The following HEY1 variants were observed in gnomAD, a reference collection of about 807,000 sequenced individuals.
The protein encoded by HEY1 is hes related family bHLH transcription factor with YRPW motif 1.
A neutral mutation model predicts 28.7 loss-of-function variants in HEY1; 9 were observed. The ratio of observed to expected loss-of-function variants is 0.31; its 90% CI spans 0.19 to 0.55. HEY1 has a LOEUF of 0.55. Among genes scored for constraint, HEY1 ranks in the 20% least tolerant of loss-of-function variants. The pLI is 0.93. For synonymous variants in HEY1, 213 were observed against 175.6 expected (o/e 1.21, Z -1.68); for missense variants, 385 against 399.4 (o/e 0.96, Z 0.31).
chr8:79,766,326 T>C, intron 4 of HEY1: 1 of 1,506,772 alleles, frequency 6.6e-7, no homozygotes, highest in Non-Finnish European at 8.8e-7. Flanking sequence ...TGTTTTTAAA[T>C]GCTTTTTCTC....
Position 79,765,485 on chromosome 8 carries a change from G to A in HEY1, c.618C>T (p.Thr206=). 6.2e-7 allele frequency: 1 copy of A among 1,613,516 alleles called. No individual in the cohort carries two copies. The highest frequency in any genetic ancestry group is 1.1e-5 in the South Asian group (1 of 91,060). The change falls in exon 5 of 5, where the codon ACC becomes ACT. Residue 206 remains threonine (T), a synonymous_variant. Transcript: ENST00000354724. ...LPQNGHGNAG[T]TASPTEPHHQ... ...GGTGCGGTTCCGTGGGTGAGGCCGT[G>A]GTGCCCGCGTTCCCGTGGCCGTTCT...
At chr8:79,766,919 G>C in intron 3 of HEY1, 90 bp downstream of exon 3, 1 of 1,281,102 alleles carries the variant, frequency 7.8e-7, no homozygotes, top group Non-Finnish European at 1.1e-6. Flanking sequence ...AAGCAACACA[G>C]CTATTTTCCA....
At chr8:79,766,137 C>G (rs912576335) in intron 4 of HEY1, 1 of 1,180,806 alleles carries the variant, frequency 8.5e-7, no homozygotes, top group Non-Finnish European at 1.2e-6. Flanking sequence ...AAGTTATCAT[C>G]GCGGAGCTTT....
In HEY1 at chr8:79,765,364, C is replaced by G; in HGVS notation, c.739G>C (p.Ala247Pro). The G allele has an allele frequency of 6.3e-7, 1 of 1,587,100 alleles. No individual in the cohort carries two copies. The highest frequency in any genetic ancestry group is 1.3e-5 in the African/African-American group (1 of 74,680). ...LGPVLPVVTSASKLSPPLLSS... is the reference protein window; with the variant it reads ...LGPVLPVVTSPSKLSPPLLSS... ...AGCAGAGGCGGCGACAGTTTGGAGGCGGAGGTGACCACAGGGAGCACCGGT... is the reference window on the plus strand; with the variant it reads ...AGCAGAGGCGGCGACAGTTTGGAGGGGGAGGTGACCACAGGGAGCACCGGT... The change falls in exon 5 of 5, where the codon GCC (alanine) becomes CCC (proline). Residue 247 changes from alanine (A) to proline (P), a missense_variant. Coordinates refer to ENST00000354724, the MANE Select transcript of HEY1 (RefSeq NM_012258.4).
chr8:79,767,577 A>G lies in HEY1; in HGVS notation c.87T>C (p.Asn29=). The change falls in exon 1 of 5, where the codon AAT becomes AAC. Residue 29 remains asparagine, a splice_region_variant and synonymous_variant. Transcript: ENST00000354724. ...CCGCTCCGCCGCCGCCAGCTCACCC[A>G]TTCTCGTCCGCACTCTCCTTCTCCA... ...IEVEKESADE[N]GNLSSALGSM... 1 of 1,606,162 alleles carries G rather than the reference A, an allele frequency of 6.2e-7. No homozygotes were observed. Among genetic ancestry groups the G allele is most frequent in the Non-Finnish European group, 8.5e-7 (1 of 1,177,326 alleles).
rs142613628 is a variant in HEY1 at position 79,766,258 on chromosome 8, AGGCATGT to A, written c.331+386_331+392del. The A allele has an allele frequency of 0.11, 173,886 of 1,530,764 alleles. 11,511 individuals carry two copies. Among genetic ancestry groups the A allele is most frequent in the South Asian group, 0.24 (20,091 of 83,040 alleles). 94.8% of individuals were successfully genotyped at this position (1,530,764 alleles called of 1,614,324 possible). On this transcript the variant is annotated intron_variant, in intron 4 of 4. Transcript: ENST00000354724. Reference sequence around the variant, plus strand: ...ACCAGAATACATTTCTTTCCTCAAGAGGCATGTGGCAGCACCTTTTTTTTAAAATCCC... The same window carrying A: ...ACCAGAATACATTTCTTTCCTCAAGAGGCAGCACCTTTTTTTTAAAATCCC...
chr8:79,767,690 G>C lies in HEY1; in HGVS notation c.-27C>G, dbSNP rs761623814. ...CTGGCTCCCTGGGGGTTCCTGGGGA[G>C]GGTCGGCGCGGCGGGCAGGGAGGAG... On this transcript the variant is annotated 5_prime_UTR_variant, in exon 1 of 5. Coordinates refer to ENST00000354724, the MANE Select transcript of HEY1 (RefSeq NM_012258.4). The C allele has an allele frequency of 1.9e-6, 3 of 1,553,232 alleles. No individual in the cohort carries two copies. The South Asian group carries it at 3.5e-5, about 18-fold the overall frequency.
Position 79,765,719 on chromosome 8 carries a change from C to T in HEY1, c.384G>A (p.Arg128=), listed in dbSNP as rs370441900. Reference sequence around the variant, plus strand: ...AACGCGCAACTTCTGCCAGGCATTCCCGAAATCCCAAACTCCGATAGTCCA... The same window carrying T: ...AACGCGCAACTTCTGCCAGGCATTCTCGAAATCCCAAACTCCGATAGTCCA... ...LAMDYRSLGF[R]ECLAEVARYL... The change falls in exon 5 of 5, where the codon CGG becomes CGA. Residue 128 remains arginine (R), a synonymous_variant. Coordinates refer to ENST00000354724, the MANE Select transcript of HEY1 (RefSeq NM_012258.4). 8.7e-6 allele frequency: 14 copies of T among 1,614,026 alleles called. No homozygotes were observed. In the African/African-American group the frequency reaches 1.9e-4, roughly 22 times the overall value.
rs745721301 is a variant in HEY1 at position 79,766,666 on chromosome 8, T to A, written c.316A>T (p.Thr106Ser). Residue 106 changes from threonine (T) to serine (S), a missense_variant, in exon 4 of 5, where the codon ACG becomes TCG. This residue lies in a region of HEY1 where 83 missense variants were observed against 122.7 expected (regional missense o/e 0.68). Coordinates refer to ENST00000354724, the MANE Select transcript of HEY1 (RefSeq NM_012258.4). ...GGAGATGTACCTTTCCCTCCTGCCG[T>A]ATGCAGCATTTTCAGGTGATCCACG... ...MTVDHLKMLH[T>S]AGGKGYFDAH... 1.9e-6 allele frequency: 3 copies of A among 1,614,124 alleles called. No homozygotes were observed. The highest frequency in any genetic ancestry group is 2.5e-6 in the Non-Finnish European group (3 of 1,180,052).
At chr8:79,766,118 C>G in intron 4 of HEY1, 1 of 1,026,494 alleles carries the variant, frequency 9.7e-7, no homozygotes, top group African/African-American at 1.6e-5. Context: ...TCATTAGACA[C>G]ACAGATGTAA....
chr8:79,767,698 G>A lies in HEY1; in HGVS notation c.-35C>T, dbSNP rs749895743. On this transcript the variant is annotated 5_prime_UTR_variant, in exon 1 of 5. Coordinates refer to ENST00000354724, the MANE Select transcript of HEY1 (RefSeq NM_012258.4). ...CTGGGGGTTCCTGGGGAGGGTCGGCGCGGCGGGCAGGGAGGAGTTAACTAC... is the reference window on the plus strand; with the variant it reads ...CTGGGGGTTCCTGGGGAGGGTCGGCACGGCGGGCAGGGAGGAGTTAACTAC... 19 of 1,521,672 alleles carry A rather than the reference G, an allele frequency of 1.2e-5. No homozygotes were observed. The African/African-American group carries it at 2.3e-4, about 19-fold the overall frequency. 94.3% of individuals were successfully genotyped at this position (1,521,672 alleles called of 1,614,324 possible).
intron 3 of HEY1, 72 bp from the exon 4 acceptor site, chr8:79,766,804 T>C (rs911960932): frequency 1.3e-5 from 20 of 1,491,690 alleles, no homozygotes; most frequent in African/African-American, 2.8e-5. Context: ...TATGCAAACA[T>C]ATATACAAAG....
At position 79,765,451 on chromosome 8, in the gene HEY1, T is replaced by C. The variant is rs955699112; in HGVS notation, c.652A>G (p.Arg218Gly). 5 of 1,613,030 alleles carry C rather than the reference T, an allele frequency of 3.1e-6. No homozygotes were observed. The African/African-American group carries it at 5.3e-5, about 17-fold the overall frequency. ...GCCTCCGGATGTGCCGAGCCCAGCC[T>C]GCCCTGGTGGTGCGGTTCCGTGGGT... ...ASPTEPHHQG[R>G]LGSAHPEAPA... Residue 218 changes from arginine (R) to glycine (G), a missense_variant, in exon 5 of 5, where the codon AGG (arginine) becomes GGG (glycine). By Grantham distance (125) the Arg-to-Gly change is moderately radical. Around this residue, in one of 3 missense-constraint regions of HEY1, gnomAD observed 223 missense variants for 215.9 expected, o/e 1.03. Coordinates refer to ENST00000354724, the MANE Select transcript of HEY1 (RefSeq NM_012258.4).
chr8:79,767,451 C>A (rs1807874182), intron 1 of HEY1, 124 bp downstream of exon 1: 1 of 1,153,550 alleles, frequency 8.7e-7, no homozygotes, highest in East Asian at 2.4e-5. Context: ...CTGCCGCCAG[C>A]CTGCGACGCG....
rs1563477110 is a variant in HEY1, at chr8:79,765,775, A to C, written c.332-4T>G. On this transcript the variant is annotated splice_polypyrimidine_tract_variant and splice_region_variant and intron_variant, in intron 4 of 4. Transcript: ENST00000354724. ...AGGGCGTGCGCGTCAAAGTAACCTA[A>C]GCAAAAGAACAAAAGAAAAATCTCA... The C allele has an allele frequency of 6.3e-7, 1 of 1,595,750 alleles. No homozygotes were observed. The highest frequency in any genetic ancestry group is 1.3e-5 in the African/African-American group (1 of 74,116).
rs1051442662 is a variant in HEY1, at chr8:79,764,384, T to A, written c.*804A>T. 1.3e-5 allele frequency: 3 copies of A among 226,612 alleles called. No homozygotes were observed. The highest frequency in any genetic ancestry group is 6.7e-5 in the African/African-American group (3 of 44,990). 14.0% of individuals were successfully genotyped at this position (226,612 alleles called of 1,614,324 possible). On this transcript the variant is annotated 3_prime_UTR_variant, in exon 5 of 5. Transcript: ENST00000354724. ...AATTTGAGATCCGTGTGATTAAAAA[T>A]TCTTTGTGTTGCTGGGGCTGGTAAA...
intron 1 of HEY1, 36 bp downstream of exon 1, chr8:79,767,539 C>T: frequency 1.9e-6 from 3 of 1,573,686 alleles, no homozygotes; most frequent in Admixed American, 1.8e-5. Context: ...TCGCCTCCCG[C>T]TCTGGCTCGG....
Position 79,765,364 on chromosome 8 carries a change from CGGA to C in HEY1, c.736_738del (p.Ser246del), listed in dbSNP as rs1410300942. ...AGCAGAGGCGGCGACAGTTTGGAGGCGGAGGTGACCACAGGGAGCACCGGTCCG... is the reference window on the plus strand; with the variant it reads ...AGCAGAGGCGGCGACAGTTTGGAGGCGGTGACCACAGGGAGCACCGGTCCG... On this transcript the variant is annotated inframe_deletion, in exon 5 of 5. Coordinates refer to ENST00000354724, the MANE Select transcript of HEY1 (RefSeq NM_012258.4). The C allele has an allele frequency of 1.3e-6, 2 of 1,587,100 alleles. No individual in the cohort carries two copies. Among genetic ancestry groups the C allele is most frequent in the Non-Finnish European group, 1.7e-6 (2 of 1,166,650 alleles).
At chr8:79,766,349 G>C in intron 4 of HEY1, 1 of 1,486,100 alleles carries the variant, frequency 6.7e-7, no homozygotes. Flanking sequence ...AATAGCAATG[G>C]ACAAATGTGA....
Sources: gnomAD v4.1 joint callset for allele counts on GRCh38, gnomAD v4.1.1 for gene constraint, gnomAD v4.1.1 regional missense constraint, MANE v1.5 for transcripts, NCBI Gene and HGNC (gene_info 2026-07-23, HGNC 2026-07-21) for gene names.